Variants in EHBP1 observed in about 807,000 individuals in gnomAD.
The protein encoded by EHBP1 is EH domain binding protein 1.
Under a neutral mutation model 144.0 loss-of-function variants are expected in EHBP1, and 55 were observed. That is an observed-to-expected ratio of 0.38 (90% CI 0.31 to 0.48). The LOEUF is 0.48. Among genes scored for constraint, EHBP1 ranks in the 20% least tolerant of loss-of-function variants. The pLI, the probability that EHBP1 is intolerant of heterozygous loss-of-function variation, is 0.98. For missense variants in EHBP1, 1,200 were observed against 1,364.2 expected (o/e 0.88, Z 1.90); for synonymous variants, 469 against 472.7 (o/e 0.99, Z 0.10).
At chr2:62,744,514 G>A (rs999777113) in intron 2 of EHBP1, among the ~76,000 whole-genome samples, 9 of 152,132 alleles carry the variant, frequency 5.9e-5, no homozygotes, top group African/African-American at 2.2e-4. Flanking sequence ...CTTTATTTTA[G>A]AACACTGCCT....
intron 2 of EHBP1, among the ~76,000 whole-genome samples, chr2:62,732,223 A>G (rs544947567): frequency 6.6e-6 from 1 of 152,188 alleles, no homozygotes; most frequent in South Asian, 2.1e-4. Context: ...TTTTGTATCT[A>G]TCCTGCTTAG....
At chr2:62,811,022 A>C (rs183996669) in intron 5 of EHBP1, among the ~76,000 whole-genome samples, 1 of 152,176 alleles carries the variant, frequency 6.6e-6, no homozygotes, top group South Asian at 2.1e-4. Flanking sequence ...ATTTTAATGT[A>C]TATCTGTAGT....
chr2:62,729,360 T>C (rs1211610677), intron 2 of EHBP1, among the ~76,000 whole-genome samples: 2 of 125,006 alleles, frequency 1.6e-5, no homozygotes, highest in Non-Finnish European at 1.6e-5. Context: ...TAATAATAAA[T>C]ATAATATAAT....
chr2:62,683,501 T>A, intron 1 of EHBP1, among the ~76,000 whole-genome samples: 1 of 150,690 alleles, frequency 6.6e-6, no homozygotes, highest in Non-Finnish European at 1.5e-5. Flanking sequence ...GTACTGAAAA[T>A]ACAAAAAATT....
chr2:62,719,835 C>T (rs2036043810), intron 2 of EHBP1, among the ~76,000 whole-genome samples: 1 of 152,178 alleles, frequency 6.6e-6, no homozygotes, highest in African/African-American at 2.4e-5. Context: ...GGGACTTGAG[C>T]ATCCTCAGAT....
chr2:62,730,920 TAGAG>T (rs200778804), intron 2 of EHBP1, among the ~76,000 whole-genome samples: 1 of 24,136 alleles, frequency 4.1e-5, no homozygotes, highest in African/African-American at 2.5e-4. Flanking sequence ...GAGAGACAGG[TAGAG>T]AGAGAGACAG....
chr2:62,798,663 T>A (rs2043736613), intron 5 of EHBP1, among the ~76,000 whole-genome samples: 1 of 152,178 alleles, frequency 6.6e-6, no homozygotes, highest in Non-Finnish European at 1.5e-5. Flanking sequence ...CATTGTAATT[T>A]GTGTTTTTTT....
chr2:62,776,892 A>T (rs2042089356), intron 5 of EHBP1, among the ~76,000 whole-genome samples: 3 of 152,198 alleles, frequency 2.0e-5, no homozygotes, highest in East Asian at 1.9e-4. Flanking sequence ...AGGAAACAAA[A>T]TTTTTTTTCT....
chr2:62,819,771 CAA>C (rs538451712), intron 5 of EHBP1, among the ~76,000 whole-genome samples: 1 of 122,296 alleles, frequency 8.2e-6, no homozygotes. Flanking sequence ...CTCAAAAAAA[CAA>C]AAAAAAAAAA....
chr2:63,018,922 T>G (rs1386921420), intron 19 of EHBP1, among the ~76,000 whole-genome samples: 2 of 152,206 alleles, frequency 1.3e-5, no homozygotes, highest in Non-Finnish European at 2.9e-5. Flanking sequence ...AAACAAAATT[T>G]AGGCATTTGA....
At chr2:62,795,866 T>A (rs1258545942) in intron 5 of EHBP1, among the ~76,000 whole-genome samples, 1 of 151,976 alleles carries the variant, frequency 6.6e-6, no homozygotes, top group Non-Finnish European at 1.5e-5. Flanking sequence ...ATTTTTGACT[T>A]TAAAAAACTG....
chr2:63,002,150 T>C (rs1400831680), intron 19 of EHBP1, among the ~76,000 whole-genome samples: 3 of 152,180 alleles, frequency 2.0e-5, no homozygotes, highest in African/African-American at 7.2e-5. Flanking sequence ...TACTAATCTT[T>C]AGAAGGTTCT....
chr2:62,830,301 A>G (rs2046738633), intron 6 of EHBP1, among the ~76,000 whole-genome samples: 1 of 151,424 alleles, frequency 6.6e-6, no homozygotes. Flanking sequence ...ACGCCCGGCT[A>G]ATTTTTGTGT....
chr2:62,732,987 T>G (rs2037760205), intron 2 of EHBP1, among the ~76,000 whole-genome samples: 1 of 152,180 alleles, frequency 6.6e-6, no homozygotes, highest in Non-Finnish European at 1.5e-5. Context: ...TTCCTTTTGA[T>G]TTTTTAAGAG....
intron 9 of EHBP1, among the ~76,000 whole-genome samples, chr2:62,872,929 T>C (rs2050601249): frequency 6.6e-6 from 1 of 152,168 alleles, no homozygotes; most frequent in African/African-American, 2.4e-5. Flanking sequence ...TTCAAAACTT[T>C]TATAAGTAGA....
rs559789124 is a variant in EHBP1 at position 62,810,229 on chromosome 2, T to A, written c.313-15858T>A. ...TAATTTTCTGTGGTGAATTTTCTTA[T>A]GTAATCAGAAAAAAAGTATAGCATT... On this transcript the variant is annotated intron_variant, in intron 5 of 22. Transcript: ENST00000431489. Among the ~76,000 whole-genome samples, 5 of 152,322 alleles carry A rather than the reference T, an allele frequency of 3.3e-5. No homozygotes were observed. In the East Asian group the frequency reaches 9.6e-4, roughly 29 times the overall value.
chr2:62,954,238 CTTA>C (rs2057564029), intron 13 of EHBP1, among the ~76,000 whole-genome samples: 1 of 152,104 alleles, frequency 6.6e-6, no homozygotes, highest in East Asian at 1.9e-4. Flanking sequence ...TGTTACATTG[CTTA>C]TTATTAGTGG....
At chr2:62,974,633 T>G (rs2058637815) in intron 14 of EHBP1, among the ~76,000 whole-genome samples, 1 of 152,170 alleles carries the variant, frequency 6.6e-6, no homozygotes, top group Admixed American at 6.5e-5. Context: ...GTGCTTATGA[T>G]AAACAGGAAA....
At chr2:62,790,735 C>T (rs1478246071) in intron 5 of EHBP1, among the ~76,000 whole-genome samples, 1 of 152,020 alleles carries the variant, frequency 6.6e-6, no homozygotes, top group African/African-American at 2.4e-5. Context: ...GCTTTGCAGA[C>T]AAGTTGACTA....
Sources: gnomAD v4.1 joint callset for allele counts (sites outside exome capture counted in the v4.1 genomes callset) on GRCh38, gnomAD v4.1.1 for gene constraint, MANE v1.5 for transcripts, NCBI Gene and HGNC (gene_info 2026-07-23, HGNC 2026-07-21) for gene names.